Variants in LUC7L2 observed in about 807,000 individuals in gnomAD.
LUC7L2 encodes the protein putative RNA-binding protein Luc7-like 2.
LUC7L2 carries 25 observed loss-of-function variants against 52.8 expected under a neutral mutation model. The ratio of observed to expected loss-of-function variants is 0.47; its 90% CI spans 0.34 to 0.66. The LOEUF (loss-of-function observed/expected upper bound fraction) is 0.66, where lower values mean the gene tolerates loss of function less well. LUC7L2 is among the 30% of genes least tolerant of loss of function. The probability of loss-of-function intolerance (pLI) is 0.01; values close to 1 mark genes in which losing one functional copy is unlikely to be tolerated. For synonymous variants in LUC7L2, 144 were observed against 160.9 expected, an observed-to-expected ratio of 0.89 and a Z score of 0.80; for missense variants, 328 against 497.8, an observed-to-expected ratio of 0.66 and a Z score of 3.25.
At chr7:139,420,545 C>A (rs1227097820) in intron 9 of LUC7L2, among the ~76,000 whole-genome samples, 1 of 152,170 alleles carries the variant, frequency 6.6e-6, no homozygotes, top group African/African-American at 2.4e-5. Context: ...CTTTCCCCAT[C>A]TACTAAGTGG....
intron 2 of LUC7L2, among the ~76,000 whole-genome samples, chr7:139,380,856 C>G (rs1479742448): frequency 1.3e-5 from 2 of 152,136 alleles, no homozygotes; most frequent in African/African-American, 4.8e-5. Context: ...AAAAATATTT[C>G]CATCTAGTTC....
chr7:139,360,851 TGG>T (rs935445423), intron 1 of LUC7L2, among the ~76,000 whole-genome samples: 2 of 152,198 alleles, frequency 1.3e-5, no homozygotes, highest in African/African-American at 2.4e-5. Context: ...ACCATTTTTA[TGG>T]AAAATCTGAC....
chr7:139,402,760 G>A (rs549542795), intron 4 of LUC7L2, among the ~76,000 whole-genome samples: 1 of 152,262 alleles, frequency 6.6e-6, no homozygotes, highest in Admixed American at 6.5e-5. Context: ...CTGGCCTCAA[G>A]CGATCTACCC....
chr7:139,389,913 G>C (rs1794357281), intron 2 of LUC7L2, among the ~76,000 whole-genome samples: 1 of 152,142 alleles, frequency 6.6e-6, no homozygotes, highest in Admixed American at 6.6e-5. Flanking sequence ...TGAAGTACTT[G>C]AGAAAACAGA....
At chr7:139,415,248 T>C (rs1447288808) in intron 8 of LUC7L2, among the ~76,000 whole-genome samples, 1 of 151,242 alleles carries the variant, frequency 6.6e-6, no homozygotes, top group African/African-American at 2.4e-5. Flanking sequence ...ACCTGACATA[T>C]CTTTATTTAC....
chr7:139,396,312 G>A lies in LUC7L2; in HGVS notation c.157-2287G>A, dbSNP rs557864569. Among the ~76,000 whole-genome samples, 4 of 152,056 alleles carry A rather than the reference G, an allele frequency of 2.6e-5. No homozygotes were observed. The South Asian group carries it at 6.2e-4, about 24-fold the overall frequency. The stretch of plus-strand genomic sequence containing the variant: ...TTAGCTGGATATGGTGGCGGGGGAC[G>A]GTGGTCCCAGCTACTTGTCGGGGAG... On this transcript the variant is annotated intron_variant, in intron 2 of 9. Transcript: ENST00000354926.
At chr7:139,408,656 A>G (rs544102543) in intron 6 of LUC7L2, among the ~76,000 whole-genome samples, 12 of 152,028 alleles carry the variant, frequency 7.9e-5, no homozygotes, top group African/African-American at 2.7e-4. Context: ...AGTCTGGCCA[A>G]TATGGTGAAA....
chr7:139,375,024 C>T (rs1800635173), intron 1 of LUC7L2: 1 of 984,150 alleles, frequency 1.0e-6, no homozygotes, highest in African/African-American at 1.7e-5. Context: ...AGTAGGTTTT[C>T]ATTCATCGAT....
intron 1 of LUC7L2, chr7:139,341,381 G>C: frequency 1.2e-6 from 2 of 1,612,360 alleles, no homozygotes; most frequent in Non-Finnish European, 1.7e-6. Context: ...AGAAGGACAG[G>C]ACAATGGCGG....
chr7:139,356,203 G>A (rs1191877817), upstream of LUC7L2, among the ~76,000 whole-genome samples: 1 of 150,984 alleles, frequency 6.6e-6, no homozygotes, highest in Non-Finnish European at 1.5e-5. Flanking sequence ...CCAGCTACTT[G>A]AGAGGCTGAG....
At chr7:139,410,685 A>G (rs1489632491) in intron 7 of LUC7L2, among the ~76,000 whole-genome samples, 6 of 152,194 alleles carry the variant, frequency 3.9e-5, no homozygotes, top group Admixed American at 3.9e-4. Flanking sequence ...CTACATTTAA[A>G]TGTCTTAAAT....
intron 1 of LUC7L2, among the ~76,000 whole-genome samples, chr7:139,349,079 G>A (rs1419488681): frequency 6.6e-6 from 1 of 152,080 alleles, no homozygotes; most frequent in Admixed American, 6.6e-5. Flanking sequence ...GTTTGAACCC[G>A]GGAGGCGGAG....
At chr7:139,370,128 T>C (rs932424401) in intron 1 of LUC7L2, among the ~76,000 whole-genome samples, 3 of 152,234 alleles carry the variant, frequency 2.0e-5, no homozygotes, top group Non-Finnish European at 4.4e-5. Flanking sequence ...ATTATTATGT[T>C]AAGACATGGT....
At chr7:139,367,536 TTC>T (rs1800225341) in intron 1 of LUC7L2, among the ~76,000 whole-genome samples, 1 of 152,222 alleles carries the variant, frequency 6.6e-6, no homozygotes, top group African/African-American at 2.4e-5. Context: ...GATTAATAAT[TTC>T]CTTACTGAGT....
intron 6 of LUC7L2, among the ~76,000 whole-genome samples, chr7:139,409,301 TAAA>T (rs1001072650): frequency 7.8e-6 from 1 of 127,754 alleles, no homozygotes; most frequent in Non-Finnish European, 1.7e-5. Context: ...TGTTTTCACT[TAAA>T]AAAAAAAACA....
rs979066594 is a variant in LUC7L2 at position 139,407,102 on chromosome 7, T to C, written c.511-72T>C. ...TTAGAAAACACTTTTGGTATAAGCA[T>C]AGTATATTTTATTTAATTGTATGAC... On this transcript the variant is annotated intron_variant, in intron 5 of 9. Coordinates refer to ENST00000354926, the MANE Select transcript of LUC7L2 (RefSeq NM_016019.5). 2.9e-6 allele frequency: 4 copies of C among 1,384,896 alleles called. No individual in the cohort carries two copies. The South Asian group carries it at 6.5e-5, about 22-fold the overall frequency. The allele number at this position is 1,384,896 out of a possible 1,614,324, so 85.8% of individuals were successfully genotyped here.
chr7:139,411,043 A>T (rs1014856981), intron 7 of LUC7L2, among the ~76,000 whole-genome samples: 27 of 152,202 alleles, frequency 1.8e-4, no homozygotes, highest in African/African-American at 6.5e-4. Flanking sequence ...AATATTGCCC[A>T]GTATTCTAAT....
chr7:139,361,756 C>T (rs764739852), intron 1 of LUC7L2, among the ~76,000 whole-genome samples: 2 of 130,782 alleles, frequency 1.5e-5, no homozygotes, highest in African/African-American at 4.1e-5. Flanking sequence ...TCTTAACATT[C>T]CTCCTTTTCC....
chr7:139,366,046 A>G (rs1354466425), intron 1 of LUC7L2, among the ~76,000 whole-genome samples: 1 of 152,248 alleles, frequency 6.6e-6, no homozygotes, highest in East Asian at 1.9e-4. Context: ...CTGCAGCTCC[A>G]TGTTTTTGTT....
Sources: gnomAD v4.1 joint callset for allele counts (sites outside exome capture counted in the v4.1 genomes callset) on GRCh38, gnomAD v4.1.1 for gene constraint, MANE v1.5 for transcripts, NCBI Gene and HGNC (gene_info 2026-07-23, HGNC 2026-07-21) for gene names.